NDRG4: variants seen among roughly 807,000 people sequenced by gnomAD.
NDRG4 encodes the protein NDRG family member 4.
A neutral mutation model predicts 55.8 loss-of-function variants in NDRG4; 38 were observed. The observed-to-expected ratio is 0.68, with a 90% CI of 0.53 to 0.89. The LOEUF (loss-of-function observed/expected upper bound fraction) is 0.89, where lower values mean the gene tolerates loss of function less well. Ranked by LOEUF, NDRG4 falls within the 40% of genes least tolerant of loss-of-function variation. NDRG4 has a pLI of 0.00. For missense variants in NDRG4, 455 were observed against 468.6 expected (o/e 0.97, Z 0.27); for synonymous variants, 190 against 182.7 (o/e 1.04, Z -0.32).
chr16:58,493,311 C>T (rs964273218), intron 2 of NDRG4, among the ~76,000 whole-genome samples: 1 of 152,228 alleles, frequency 6.6e-6, no homozygotes, highest in African/African-American at 2.4e-5. Context: ...CTCTATCACG[C>T]AAGCTGGAGT....
chr16:58,507,741 CTTGG>C, intron 8 of NDRG4, 63 bp from the exon 9 acceptor site: 1 of 1,497,280 alleles, frequency 6.7e-7, no homozygotes, highest in Non-Finnish European at 9.3e-7. Context: ...CAGTGTTGGG[CTTGG>C]GATGCCCCTC....
At chr16:58,466,306 G>A (rs996405680) in intron 1 of NDRG4, among the ~76,000 whole-genome samples, 3 of 152,306 alleles carry the variant, frequency 2.0e-5, no homozygotes, top group East Asian at 1.9e-4. Flanking sequence ...GTGAGCCACC[G>A]CACCCAGCCC....
chr16:58,487,731 C>T, intron 1 of NDRG4: 7 of 1,495,538 alleles, frequency 4.7e-6, no homozygotes, highest in Non-Finnish European at 6.3e-6. Context: ...CCGCAGCAGG[C>T]CTCAACCTCG....
At position 58,504,141 on chromosome 16, in the gene NDRG4, T is replaced by C. The variant is rs199570193; in HGVS notation, c.128-13T>C. The C allele has an allele frequency of 7.4e-6, 12 of 1,614,024 alleles. No homozygotes were observed. Among genetic ancestry groups the C allele is most frequent in the Non-Finnish European group, 1.0e-5 (12 of 1,180,016 alleles). On this transcript the variant is annotated splice_polypyrimidine_tract_variant and intron_variant, in intron 2 of 14. Transcript: ENST00000570248. ...CCCCTCTGCTCAGCCATAGTGGAAG[T>C]GTGTCTTTGCAGACAAACTATGCTT...
chr16:58,508,909 A>G lies in NDRG4; in HGVS notation c.730-53A>G, dbSNP rs114737606. 1,464 of 1,598,678 alleles carry G rather than the reference A, an allele frequency of 9.2e-4. 10 individuals carry two copies. The African/African-American group carries it at 0.016, about 17-fold the overall frequency. The stretch of plus-strand genomic sequence containing the variant: ...TTGGGGCATCAAACCTGCCTTGGCA[A>G]TGGGGGTGGGGAGGGGCAGGGGCTG... On this transcript the variant is annotated intron_variant, in intron 10 of 14. Coordinates refer to ENST00000570248, the MANE Select transcript of NDRG4 (RefSeq NM_001242835.2).
At chr16:58,494,932 A>C (rs769473291) in intron 2 of NDRG4, 17 of 1,612,468 alleles carry the variant, frequency 1.1e-5, no homozygotes, top group Non-Finnish European at 1.4e-5. Flanking sequence ...CCAGGGCCTA[A>C]CTTGCCACCC....
chr16:58,494,340 T>A (rs986755970), intron 2 of NDRG4, among the ~76,000 whole-genome samples: 1 of 152,204 alleles, frequency 6.6e-6, no homozygotes, highest in African/African-American at 2.4e-5. Context: ...CCCCTCACTG[T>A]GTGGGCCTCA....
At chr16:58,495,542 C>T (rs1205506245), upstream of NDRG4, 1 of 154,626 alleles carries the variant, frequency 6.5e-6, no homozygotes, top group Non-Finnish European at 1.4e-5. Flanking sequence ...CCAATTCAGA[C>T]CCTTCCTCCT....
In NDRG4 at chr16:58,464,721, C is replaced by G; in HGVS notation, c.-24+924C>G. 1 of 1,259,372 alleles carries G rather than the reference C, an allele frequency of 7.9e-7. No individual in the cohort carries two copies. Among genetic ancestry groups the G allele is most frequent in the African/African-American group, 1.6e-5 (1 of 64,100 alleles). 78.0% of individuals were successfully genotyped at this position (1,259,372 alleles called of 1,614,324 possible). Reference sequence around the variant, plus strand: ...GGGGGTGGCCCCATGGGGTCTCTGACCAGCGGAGCTCGGATTAGGACCCTG... The same window carrying G: ...GGGGGTGGCCCCATGGGGTCTCTGAGCAGCGGAGCTCGGATTAGGACCCTG... On this transcript the variant is annotated intron_variant, in intron 1 of 15. Coordinates refer to the NDRG4 transcript ENST00000258187. The surrounding 1 kb of genome is among the most constrained non-coding windows in gnomAD (Gnocchi z 4.8).
chr16:58,507,968 TTG>T lies in NDRG4; in HGVS notation c.699_700del (p.Asp235Ter). 3 of 1,599,598 alleles carry T rather than the reference TTG, an allele frequency of 1.9e-6. No individual in the cohort carries two copies. The highest frequency in any genetic ancestry group is 2.6e-6 in the Non-Finnish European group (3 of 1,170,852). ...TGCAGCTGCCCCGTGATGCTGGTGG[TTG>T]GGGATAATGCACCCGCTGAGGACGG... On this transcript the variant is annotated frameshift_variant, in exon 10 of 15. Transcript: ENST00000570248. LOFTEE classifies it high-confidence loss of function.
chr16:58,481,974 G>C (rs1257680714), intron 1 of NDRG4, among the ~76,000 whole-genome samples: 2 of 152,104 alleles, frequency 1.3e-5, no homozygotes, highest in Admixed American at 1.3e-4. Context: ...TTCCAACCAG[G>C]CACTGGTGTA....
At chr16:58,481,439 A>G (rs2034377396) in intron 1 of NDRG4, among the ~76,000 whole-genome samples, 1 of 151,926 alleles carries the variant, frequency 6.6e-6, no homozygotes, top group Non-Finnish European at 1.5e-5. Context: ...GACAGTGGGA[A>G]TGTGCTGGGG....
chr16:58,509,349 T>G lies in NDRG4; in HGVS notation c.862T>G (p.Tyr288Asp), dbSNP rs1430616381. 6.2e-7 allele frequency: 1 copy of G among 1,613,644 alleles called. No homozygotes were observed. The highest frequency in any genetic ancestry group is 1.1e-5 in the South Asian group (1 of 91,086). Residue 288 changes from tyrosine (Y) to aspartate (D), a missense_variant, in exon 13 of 15, where the codon TAC becomes GAC. By Grantham distance (160) the Tyr-to-Asp change is radical. Transcript: ENST00000570248. ...CAAATACTTCCTGCAAGGCATGGGC[T>G]ACAGTGAGTACATTTCCACCCCACC... ...AFKYFLQGMG[Y>D]IAYLKDRRLS...
intron 8 of NDRG4, 28 bp downstream of exon 8, chr16:58,507,043 C>T (rs375801435): frequency 2.9e-5 from 45 of 1,552,868 alleles, no homozygotes; most frequent in Non-Finnish European, 3.7e-5. Flanking sequence ...AGCCCTGGGA[C>T]CCAGCACACC....
rs2065177535 is a variant in NDRG4 at position 58,464,998 on chromosome 16, TC to T, written c.-24+1202del. 8.1e-7 allele frequency: 1 copy of T among 1,228,486 alleles called. No individual in the cohort carries two copies. The highest frequency in any genetic ancestry group is 1.6e-5 in the African/African-American group (1 of 64,292). The allele number at this position is 1,228,486 out of a possible 1,614,324, so 76.1% of individuals were successfully genotyped here. A position where few individuals can be genotyped will look rare whatever the true frequency, so the allele number is the denominator to read the frequency against. ...CCTTGGGGCTCCTCTGGAGAAGTGA[TC>T]AGTTGCCCTGCTGGAAACTCACATC... On this transcript the variant is annotated intron_variant, in intron 1 of 15. Coordinates refer to the NDRG4 transcript ENST00000258187. The surrounding 1 kb of genome is among the most constrained non-coding windows in gnomAD (Gnocchi z 4.8).
intron 7 of NDRG4, 144 bp downstream of exon 7, chr16:58,506,758 C>T: frequency 8.5e-7 from 1 of 1,173,304 alleles, no homozygotes; most frequent in Non-Finnish European, 1.2e-6. Context: ...CATCCCCTCC[C>T]AAGGCCCCAC....
chr16:58,504,239 TG>T lies in NDRG4; in HGVS notation c.215del (p.Gly72AspfsTer37). 2 of 1,614,182 alleles carry T rather than the reference TG, an allele frequency of 1.2e-6. No individual in the cohort carries two copies. The part of the protein sequence containing the change: ...HFVVCHVDAP[G>X]QQVGASQFPQ... Reference sequence around the variant, plus strand: ...TTGTGGTGTGTCACGTGGATGCCCCTGGACAACAGGTGGGGGCGTCGCAGTT... The same window carrying T: ...TTGTGGTGTGTCACGTGGATGCCCCTGACAACAGGTGGGGGCGTCGCAGTT... On this transcript the variant is annotated frameshift_variant, in exon 3 of 15. Coordinates refer to ENST00000570248, the MANE Select transcript of NDRG4 (RefSeq NM_001242835.2). LOFTEE classifies it high-confidence loss of function.
intron 1 of NDRG4, among the ~76,000 whole-genome samples, chr16:58,502,816 C>T (rs555143123): frequency 3.9e-5 from 6 of 152,316 alleles, no homozygotes; most frequent in South Asian, 2.1e-4. Flanking sequence ...CAGAGAGGAT[C>T]GGTTTATTTA....
upstream of NDRG4, chr16:58,499,414 C>A (rs1489457249): frequency 6.6e-6 from 1 of 152,420 alleles, no homozygotes; most frequent in Non-Finnish European, 1.5e-5. Flanking sequence ...CCTGACCATA[C>A]CCCTGGCCCT....
Sources: gnomAD v4.1 joint callset for allele counts (sites outside exome capture counted in the v4.1 genomes callset) on GRCh38, gnomAD v4.1.1 for gene constraint, Gnocchi (gnomAD v3.1) non-coding constraint, MANE v1.5 for transcripts, NCBI Gene and HGNC (gene_info 2026-07-23, HGNC 2026-07-21) for gene names.